Variants in HECA observed in about 807,000 individuals in gnomAD.
HECA encodes headcase protein homolog.
A neutral mutation model predicts 37.6 loss-of-function variants in HECA; 13 were observed. The ratio of observed to expected loss-of-function variants is 0.35; its 90% CI spans 0.23 to 0.55. HECA has a LOEUF of 0.55. HECA is among the 20% of genes least tolerant of loss of function. The pLI, the probability that HECA is intolerant of heterozygous loss-of-function variation, is 0.90. For synonymous variants in HECA, 307 were observed against 291.5 expected, an observed-to-expected ratio of 1.05 and a Z score of -0.54; for missense variants, 527 against 701.9, an observed-to-expected ratio of 0.75 and a Z score of 2.82.
chr6:139,173,803 C>G (rs1241689840), intron 2 of HECA, among the ~76,000 whole-genome samples: 1 of 152,136 alleles, frequency 6.6e-6, no homozygotes, highest in Non-Finnish European at 1.5e-5. Context: ...CATTGAACTT[C>G]TTTTAAAAAA....
At position 139,167,001 on chromosome 6, in the gene HECA, C is replaced by G; in HGVS notation, c.989C>G (p.Ala330Gly). The G allele has an allele frequency of 6.2e-7, 1 of 1,614,196 alleles. No individual in the cohort carries two copies. The highest frequency in any genetic ancestry group is 8.5e-7 in the Non-Finnish European group (1 of 1,180,032). Residue 330 changes from alanine to glycine, a missense_variant, in exon 2 of 4, where the codon GCA becomes GGA. Coordinates refer to ENST00000367658, the MANE Select transcript of HECA (RefSeq NM_016217.3). ...AHFDYSPAGL[A>G]VHRGGHFDTP... ...TTTGATTACAGCCCTGCGGGGTTGG[C>G]AGTTCACAGGGGGGGACACTTCGAC...
At chr6:139,147,500 CT>C (rs1421397064) in intron 1 of HECA, among the ~76,000 whole-genome samples, 1 of 152,066 alleles carries the variant, frequency 6.6e-6, no homozygotes, top group Non-Finnish European at 1.5e-5. Flanking sequence ...TGATGTGTGC[CT>C]GTAGTCCCAG....
chr6:139,138,764 G>T (rs1028625438), intron 1 of HECA, among the ~76,000 whole-genome samples: 2 of 152,134 alleles, frequency 1.3e-5, no homozygotes, highest in Non-Finnish European at 2.9e-5. Flanking sequence ...ATATCATACC[G>T]CTAATAAGAC....
At chr6:139,171,165 T>A (rs756929512) in intron 2 of HECA, among the ~76,000 whole-genome samples, 4 of 152,042 alleles carry the variant, frequency 2.6e-5, no homozygotes, top group Non-Finnish European at 4.4e-5. Context: ...GGTTGAACAC[T>A]GGGAGTTTAT....
intron 1 of HECA, among the ~76,000 whole-genome samples, chr6:139,159,829 C>T (rs1456568991): frequency 6.6e-6 from 1 of 152,204 alleles, no homozygotes; most frequent in Admixed American, 6.5e-5. Context: ...ACCCTCCTTA[C>T]CTTCATTCCA....
chr6:139,170,650 G>T (rs1241459258), intron 2 of HECA: 1 of 152,222 alleles, frequency 6.6e-6, no homozygotes, highest in Non-Finnish European at 1.5e-5. Flanking sequence ...TGGAGCCAAG[G>T]GTGTTCTAGA....
intron 1 of HECA, among the ~76,000 whole-genome samples, chr6:139,165,865 G>A (rs1774876699): frequency 6.6e-6 from 1 of 152,154 alleles, no homozygotes; most frequent in Admixed American, 6.5e-5. Context: ...CCCACTTCCT[G>A]TCCTGGTAGC....
intron 2 of HECA, among the ~76,000 whole-genome samples, chr6:139,171,508 T>C (rs1229835715): frequency 1.3e-5 from 2 of 152,252 alleles, no homozygotes; most frequent in Non-Finnish European, 2.9e-5. Context: ...TGACCACATA[T>C]CAGCATTTTT....
chr6:139,175,533 G>A (rs573878606), intron 3 of HECA, among the ~76,000 whole-genome samples: 5 of 152,130 alleles, frequency 3.3e-5, no homozygotes, highest in Non-Finnish European at 5.9e-5. Flanking sequence ...CACACACACC[G>A]TGGAGGATTA....
chr6:139,135,212 C>T lies in HECA; in HGVS notation c.-185C>T. ...TGGCCGCGTGCCGGCTCCAGGAAGC[C>T]GGAGAGGGCGCGGCGGCCAGGATGG... On this transcript the variant is annotated 5_prime_UTR_variant, in exon 1 of 4. Coordinates refer to ENST00000367658, the MANE Select transcript of HECA (RefSeq NM_016217.3). 2.7e-6 allele frequency: 1 copy of T among 372,496 alleles called. No individual in the cohort carries two copies. Among genetic ancestry groups the T allele is most frequent in the Non-Finnish European group, 4.0e-6 (1 of 252,506 alleles). 23.1% of individuals were successfully genotyped at this position (372,496 alleles called of 1,614,324 possible).
At chr6:139,136,116 T>G (rs1473519115) in intron 1 of HECA, among the ~76,000 whole-genome samples, 3 of 151,942 alleles carry the variant, frequency 2.0e-5, no homozygotes, top group Admixed American at 2.0e-4. Flanking sequence ...AGAGAGAGCC[T>G]CAATTCTTAG....
At chr6:139,154,089 T>G in intron 1 of HECA, among the ~76,000 whole-genome samples, 1 of 152,210 alleles carries the variant, frequency 6.6e-6, no homozygotes, top group East Asian at 1.9e-4. Context: ...TTTAACTTGG[T>G]TAGTACCTCC....
chr6:139,139,600 G>A (rs1774489469), intron 1 of HECA, among the ~76,000 whole-genome samples: 1 of 152,206 alleles, frequency 6.6e-6, no homozygotes, highest in African/African-American at 2.4e-5. Flanking sequence ...TGATGCATCT[G>A]TAACAGAGAC....
chr6:139,139,706 C>T (rs1398630789), intron 1 of HECA, among the ~76,000 whole-genome samples: 1 of 152,238 alleles, frequency 6.6e-6, no homozygotes. Context: ...CTACACACTC[C>T]CCCAACTCCC....
intron 2 of HECA, chr6:139,170,053 C>T (rs972095168): frequency 1.3e-5 from 2 of 152,170 alleles, no homozygotes; most frequent in Non-Finnish European, 2.9e-5. Flanking sequence ...TTGAAATAAC[C>T]TCATTGTTTC....
Position 139,162,732 on chromosome 6 carries a change from C to CAA in HECA, c.272-3551_272-3550insAA, listed in dbSNP as rs1774823270. ...AGGCTTTATGGGTCCACATTGCCAC[C>CAA]ACCCTCTGCTGATTGATTTGGTGGA... is the stretch of plus-strand genomic sequence containing the variant. On this transcript the variant is annotated intron_variant, in intron 1 of 3. Transcript: ENST00000367658. Among the ~76,000 whole-genome samples, 3 of 152,306 alleles carry CAA rather than the reference C, an allele frequency of 2.0e-5. No homozygotes were observed. In the East Asian group the frequency reaches 5.8e-4, roughly 29 times the overall value.
In HECA at chr6:139,167,263, T is replaced by C. The variant is rs1434480976; in HGVS notation, c.1251T>C (p.Thr417=). 8 of 1,613,322 alleles carry C rather than the reference T, an allele frequency of 5.0e-6. No homozygotes were observed. The highest frequency in any genetic ancestry group is 6.8e-6 in the Non-Finnish European group (8 of 1,179,396). The change falls in exon 2 of 4, where the codon ACT becomes ACC. Residue 417 remains threonine (T), a synonymous_variant. Transcript: ENST00000367658. ...AACAGTTCCCACTGGTGGATGGAAC[T>C]TTGTTCCTAAGCCCGTCGAGACATG... ...VFEQFPLVDG[T]LFLSPSRHDE... is the part of the protein sequence containing the mutation.
intron 2 of HECA, among the ~76,000 whole-genome samples, chr6:139,173,098 C>T (rs957670519): frequency 2.7e-4 from 41 of 152,186 alleles, no homozygotes; most frequent in Middle Eastern, 3.2e-3. Flanking sequence ...GATCCTTGAA[C>T]GGACTTCCTA....
rs958911168 is a variant in HECA, at chr6:139,135,489, A to G, written c.93A>G (p.Ala31=). 1.6e-4 allele frequency: 186 copies of G among 1,193,380 alleles called. No homozygotes were observed. Among genetic ancestry groups the G allele is most frequent in the Non-Finnish European group, 1.9e-4 (176 of 942,092 alleles). 73.9% of individuals were successfully genotyped at this position (1,193,380 alleles called of 1,614,324 possible). A position where few individuals can be genotyped will look rare whatever the true frequency, so the allele number is the denominator to read the frequency against. Reference sequence around the variant, plus strand: ...AGGAAAATGGAGCCGGGGCCCTGGCAGCGGCGGGCGCGGCGGGAGCGGCGG... The same window carrying G: ...AGGAAAATGGAGCCGGGGCCCTGGCGGCGGCGGGCGCGGCGGGAGCGGCGG... The part of the protein sequence containing the change: ...DEQENGAGAL[A]AAGAAGAAAG... The change falls in exon 1 of 4, where the codon GCA becomes GCG. Residue 31 remains alanine, a synonymous_variant. Transcript: ENST00000367658.
Sources: allele counts gnomAD v4.1 joint callset (sites outside exome capture counted in the v4.1 genomes callset), GRCh38; gene constraint gnomAD v4.1.1; transcripts MANE v1.5; gene names NCBI Gene and HGNC (gene_info 2026-07-23, HGNC 2026-07-21).